DOK6: variants seen among roughly 807,000 people sequenced by gnomAD.
The protein encoded by DOK6 is downstream of tyrosine kinase 6.
A neutral mutation model predicts 44.0 loss-of-function variants in DOK6; 22 were observed. That is an observed-to-expected ratio of 0.50 (90% CI 0.36 to 0.71). The LOEUF (loss-of-function observed/expected upper bound fraction) is 0.71. Among genes scored for constraint, DOK6 ranks in the 30% least tolerant of loss-of-function variants. The probability of loss-of-function intolerance (pLI) is 0.00; values close to 1 mark genes in which losing one functional copy is unlikely to be tolerated. For synonymous variants in DOK6, 166 were observed against 145.5 expected (o/e 1.14, Z -1.01); for missense variants, 340 against 416.4 (o/e 0.82, Z 1.60).
intron 3 of DOK6, among the ~76,000 whole-genome samples, chr18:69,664,216 C>T (rs894818952): frequency 3.3e-5 from 5 of 152,090 alleles, no homozygotes; most frequent in African/African-American, 1.2e-4. Flanking sequence ...TGTTTTCATA[C>T]GAATTTCATC....
At chr18:69,712,048 G>A (rs1016888245) in intron 5 of DOK6, among the ~76,000 whole-genome samples, 12 of 151,570 alleles carry the variant, frequency 7.9e-5, no homozygotes, top group Non-Finnish European at 1.2e-4. Flanking sequence ...TTGGGAGGCC[G>A]AGGCGGGCGG....
At chr18:69,535,494 A>G (rs1225458767) in intron 1 of DOK6, among the ~76,000 whole-genome samples, 1 of 151,726 alleles carries the variant, frequency 6.6e-6, no homozygotes, top group Non-Finnish European at 1.5e-5. Flanking sequence ...GTTTTAAAAA[A>G]CCTTTTCAAC....
intron 1 of DOK6, among the ~76,000 whole-genome samples, chr18:69,448,431 G>A (rs1180131247): frequency 6.6e-6 from 1 of 151,998 alleles, no homozygotes; most frequent in Non-Finnish European, 1.5e-5. Context: ...GAGTCCAATG[G>A]CGCGTTCTCA....
Position 69,502,544 on chromosome 18 carries a change from G to C in DOK6, c.67-61943G>C, listed in dbSNP as rs1292629594. On this transcript the variant is annotated intron_variant, in intron 1 of 7. Coordinates refer to ENST00000382713, the MANE Select transcript of DOK6 (RefSeq NM_152721.6). ...AGTGCTCAGCAGTGCTGAATGCAGA[G>C]AAGCTGTTCTAGTATCTTTAATTTG... is the stretch of plus-strand genomic sequence containing the variant. Among the ~76,000 whole-genome samples, 4 of 152,126 alleles carry C rather than the reference G, an allele frequency of 2.6e-5. No individual in the cohort carries two copies. In the East Asian group the frequency reaches 7.7e-4, roughly 29 times the overall value.
intron 4 of DOK6, among the ~76,000 whole-genome samples, chr18:69,688,837 T>G (rs976259067): frequency 3.3e-5 from 5 of 152,178 alleles, no homozygotes; most frequent in Non-Finnish European, 7.3e-5. Flanking sequence ...ATGAGAATAG[T>G]AAAACATCTG....
chr18:69,660,160 C>G (rs963160343), intron 3 of DOK6: 4 of 151,974 alleles, frequency 2.6e-5, no homozygotes, highest in African/African-American at 4.8e-5. Context: ...CGACTTTCTT[C>G]CTGAAGGCCA....
chr18:69,628,267 G>A (rs1174342525), intron 3 of DOK6, among the ~76,000 whole-genome samples: 1 of 152,122 alleles, frequency 6.6e-6, no homozygotes, highest in Non-Finnish European at 1.5e-5. Context: ...GAGGCAGGTG[G>A]ATCACTTGAG....
intron 5 of DOK6, among the ~76,000 whole-genome samples, chr18:69,713,382 G>A (rs1986811929): frequency 6.6e-6 from 1 of 152,170 alleles, no homozygotes; most frequent in African/African-American, 2.4e-5. Context: ...TAATACTGTG[G>A]GAGGTAGCAT....
At chr18:69,508,495 A>G (rs530694575) in intron 1 of DOK6, among the ~76,000 whole-genome samples, 33 of 152,328 alleles carry the variant, frequency 2.2e-4, no homozygotes, top group African/African-American at 7.2e-4. Context: ...ATTTTGTTGG[A>G]AAGTTTTTAA....
chr18:69,738,864 A>G, intron 5 of DOK6, 101 bp from the exon 6 acceptor site: 1 of 1,438,754 alleles, frequency 7.0e-7, no homozygotes, highest in Non-Finnish European at 9.5e-7. Flanking sequence ...TGTGGAGGTC[A>G]GGAGGAGGAG....
chr18:69,445,120 TATTA>T (rs1365336252), intron 1 of DOK6, among the ~76,000 whole-genome samples: 1 of 152,232 alleles, frequency 6.6e-6, no homozygotes, highest in Non-Finnish European at 1.5e-5. Flanking sequence ...ATTTTCATAT[TATTA>T]ATTGCTACGG....
intron 1 of DOK6, among the ~76,000 whole-genome samples, chr18:69,549,018 C>G (rs1022371423): frequency 4.0e-5 from 6 of 148,230 alleles, no homozygotes; most frequent in Non-Finnish European, 9.1e-5. Flanking sequence ...TGGCGTGAAC[C>G]CCGGGTGACG....
Position 69,846,618 on chromosome 18 carries a change from T to C in DOK6, c.*5235T>C, listed in dbSNP as rs1435260235. ...TGTCATCCAGTTCTTTGAAATTCAA[T>C]CTTATCCTAAAGTGGTAGTCAAAGT... On this transcript the variant is annotated 3_prime_UTR_variant, in exon 8 of 8. Coordinates refer to ENST00000382713, the MANE Select transcript of DOK6 (RefSeq NM_152721.6). The C allele has an allele frequency of 2.0e-5, 3 of 152,216 alleles. No individual in the cohort carries two copies. 9.4% of individuals were successfully genotyped at this position (152,216 alleles called of 1,614,324 possible).
intron 7 of DOK6, among the ~76,000 whole-genome samples, chr18:69,784,124 A>C (rs1196872826): frequency 2.0e-5 from 3 of 152,172 alleles, no homozygotes; most frequent in African/African-American, 7.2e-5. Flanking sequence ...AGTAGAGGCC[A>C]CAGTGAATTG....
intron 3 of DOK6, among the ~76,000 whole-genome samples, chr18:69,613,504 T>C (rs1419340522): frequency 6.6e-6 from 1 of 152,162 alleles, no homozygotes; most frequent in Non-Finnish European, 1.5e-5. Context: ...AAACCACTAA[T>C]TATTTTTAAA....
At chr18:69,443,646 G>A (rs1979197200) in intron 1 of DOK6, among the ~76,000 whole-genome samples, 1 of 152,022 alleles carries the variant, frequency 6.6e-6, no homozygotes, top group African/African-American at 2.4e-5. Context: ...AACCATTCAG[G>A]AGCCGTCTCT....
At chr18:69,783,212 C>G (rs1980329412) in intron 7 of DOK6, among the ~76,000 whole-genome samples, 1 of 152,186 alleles carries the variant, frequency 6.6e-6, no homozygotes, top group Non-Finnish European at 1.5e-5. Flanking sequence ...GACAGCGAAG[C>G]CAACACTAGC....
chr18:69,694,922 T>C lies in DOK6; in HGVS notation c.410-3482T>C, dbSNP rs193262129. 1.2e-3 allele frequency among the ~76,000 whole-genome samples: 184 copies of C among 152,344 alleles called. 1 individual carries two copies. In the Middle Eastern group the frequency reaches 0.02, roughly 17 times the overall value. On this transcript the variant is annotated intron_variant, in intron 4 of 7. Coordinates refer to ENST00000382713, the MANE Select transcript of DOK6 (RefSeq NM_152721.6). ...TTGTAAACCATCTTCCATGTATCTTTCTTTCTATGCTCCTGTCTCTTGTTT... is the reference window on the plus strand; with the variant it reads ...TTGTAAACCATCTTCCATGTATCTTCCTTTCTATGCTCCTGTCTCTTGTTT...
intron 2 of DOK6, among the ~76,000 whole-genome samples, chr18:69,577,877 A>G (rs546880989): frequency 1.3e-5 from 2 of 152,282 alleles, no homozygotes; most frequent in African/African-American, 4.8e-5. Flanking sequence ...TTAGATATCT[A>G]TCGCCAATAA....
Sources: allele counts gnomAD v4.1 joint callset (sites outside exome capture counted in the v4.1 genomes callset), GRCh38; gene constraint gnomAD v4.1.1; transcripts MANE v1.5; gene names NCBI Gene and HGNC (gene_info 2026-07-23, HGNC 2026-07-21).